The following HMGXB3 variants were observed in gnomAD, a reference collection of about 807,000 sequenced individuals.
HMGXB3 encodes the protein HMG domain-containing protein 3.
In HMGXB3, 45 loss-of-function variants were observed where a neutral mutation model predicts 121.5. The observed-to-expected ratio is 0.37, with a 90% CI of 0.29 to 0.47. The LOEUF (loss-of-function observed/expected upper bound fraction) is 0.47. Among genes scored for constraint, HMGXB3 ranks in the 20% least tolerant of loss-of-function variants. HMGXB3 has a pLI of 0.99. For synonymous variants in HMGXB3, 590 were observed against 624.1 expected, an observed-to-expected ratio of 0.95 and a Z score of 0.81; for missense variants, 1,376 against 1,602.2, an observed-to-expected ratio of 0.86 and a Z score of 2.41.
chr5:150,026,815 C>A lies in HMGXB3; in HGVS notation c.1570C>A (p.Pro524Thr). The A allele has an allele frequency of 6.5e-7, 1 of 1,545,888 alleles. No homozygotes were observed. Among genetic ancestry groups the A allele is most frequent in the Non-Finnish European group, 8.7e-7 (1 of 1,144,890 alleles). Residue 524 changes from proline (P) to threonine (T), a missense_variant, in exon 8 of 20, where the codon CCA becomes ACA. This residue lies in a region of HMGXB3 where 1,116 missense variants were observed against 1,369.0 expected (regional missense o/e 0.82). Transcript: ENST00000502717. Reference sequence around the variant, plus strand: ...ACCCATGAGAGCAATTTTGCCAGCCCCAGTTAACGTGGGGCGAGGCAGCAG... The same window carrying A: ...ACCCATGAGAGCAATTTTGCCAGCCACAGTTAACGTGGGGCGAGGCAGCAG... The part of the protein sequence containing the change: ...ARPMRAILPA[P>T]VNVGRGSSMG...
chr5:150,009,239 G>C (rs550643037), intron 3 of HMGXB3, among the ~76,000 whole-genome samples: 1 of 152,212 alleles, frequency 6.6e-6, no homozygotes, highest in South Asian at 2.1e-4. Context: ...TGGAGTCCCA[G>C]CTTTACTGTT....
intron 9 of HMGXB3, among the ~76,000 whole-genome samples, chr5:150,029,200 G>C (rs992080518): frequency 2.8e-4 from 42 of 151,988 alleles, no homozygotes; most frequent in African/African-American, 9.4e-4. Context: ...CCATATACTA[G>C]TTTGTGGCTT....
At chr5:150,011,752 C>T (rs1422876762) in intron 4 of HMGXB3, among the ~76,000 whole-genome samples, 3 of 151,352 alleles carry the variant, frequency 2.0e-5, no homozygotes, top group African/African-American at 2.4e-5. Flanking sequence ...TACAAGCATG[C>T]GCCACCACGC....
chr5:150,034,826 G>A (rs2113752611), intron 11 of HMGXB3, among the ~76,000 whole-genome samples: 1 of 152,214 alleles, frequency 6.6e-6, no homozygotes, highest in South Asian at 2.1e-4. Context: ...TTCATCTCTG[G>A]CGAGAGTCAC....
chr5:150,032,864 C>T (rs1028743016), intron 11 of HMGXB3, among the ~76,000 whole-genome samples: 3 of 152,154 alleles, frequency 2.0e-5, no homozygotes, highest in African/African-American at 7.2e-5. Flanking sequence ...TGATGTAGCA[C>T]AGGCCTTAAG....
chr5:150,037,514 A>AC lies in HMGXB3; in HGVS notation c.2400_2401insC (p.Asp801ArgfsTer8). Reference sequence around the variant, plus strand: ...ATTGTCTGGCCCTGCACAGCTTCATAGACATCTACACAGGTGGGTGCCAAC... The same window carrying AC: ...ATTGTCTGGCCCTGCACAGCTTCATACGACATCTACACAGGTGGGTGCCAAC... On this transcript the variant is annotated frameshift_variant, in exon 13 of 20. Transcript: ENST00000502717. LOFTEE classifies it high-confidence loss of function. 1 of 1,510,248 alleles carries AC rather than the reference A, an allele frequency of 6.6e-7. No individual in the cohort carries two copies. Among genetic ancestry groups the AC allele is most frequent in the East Asian group, 2.5e-5 (1 of 39,340 alleles). 93.6% of individuals were successfully genotyped at this position (1,510,248 alleles called of 1,614,324 possible).
At chr5:150,024,754 A>C in intron 7 of HMGXB3, 74 bp downstream of exon 7, 1 of 1,268,854 alleles carries the variant, frequency 7.9e-7, no homozygotes. Flanking sequence ...TCTGTACAGC[A>C]TGCCTGAGAG....
intron 1 of HMGXB3, among the ~76,000 whole-genome samples, chr5:150,002,744 TTC>T (rs1197783227): frequency 6.6e-6 from 1 of 152,248 alleles, no homozygotes; most frequent in Non-Finnish European, 1.5e-5. Context: ...TGTTAGTAGA[TTC>T]TCTGTTTTTT....
intron 11 of HMGXB3, among the ~76,000 whole-genome samples, chr5:150,033,215 A>C (rs6890492): frequency 2.0e-5 from 3 of 151,984 alleles, no homozygotes; most frequent in Admixed American, 6.6e-5. Flanking sequence ...TGAGTTTTTT[A>C]AAGTGAACAG....
chr5:150,015,658 C>T (rs1755943280), intron 5 of HMGXB3, among the ~76,000 whole-genome samples: 1 of 152,194 alleles, frequency 6.6e-6, no homozygotes, highest in Non-Finnish European at 1.5e-5. Context: ...TAGTGGCATT[C>T]CACAAATTCT....
intron 6 of HMGXB3, among the ~76,000 whole-genome samples, chr5:150,022,358 T>A (rs1230937605): frequency 6.6e-6 from 1 of 152,192 alleles, no homozygotes; most frequent in Non-Finnish European, 1.5e-5. Flanking sequence ...TGTGGCATAG[T>A]TCCCAATGAG....
At position 150,052,517 on chromosome 5, in the gene HMGXB3, G is replaced by T. The variant is rs1403797197; in HGVS notation, c.*325G>T. ...CGTGGGGCCTGCGGTGTGGGTCAGGGTGGAGGTCCTGGGTGGGCTAAGGCG... is the reference window on the plus strand; with the variant it reads ...CGTGGGGCCTGCGGTGTGGGTCAGGTTGGAGGTCCTGGGTGGGCTAAGGCG... On this transcript the variant is annotated 3_prime_UTR_variant, in exon 20 of 20. Coordinates refer to ENST00000502717, the MANE Select transcript of HMGXB3 (RefSeq NM_014983.3). The T allele has an allele frequency of 3.3e-6, 1 of 306,302 alleles. No individual in the cohort carries two copies. Among genetic ancestry groups the T allele is most frequent in the Non-Finnish European group, 6.2e-6 (1 of 162,220 alleles). 19.0% of individuals were successfully genotyped at this position (306,302 alleles called of 1,614,324 possible).
intron 3 of HMGXB3, among the ~76,000 whole-genome samples, chr5:150,009,877 C>T (rs550710168): frequency 6.6e-6 from 1 of 152,102 alleles, no homozygotes; most frequent in Non-Finnish European, 1.5e-5. Context: ...CATGCTGTTT[C>T]CTGTGTGACT....
rs1315276689 is a variant in HMGXB3, at chr5:150,049,886, C to T, written c.3202-366C>T. On this transcript the variant is annotated intron_variant, in intron 18 of 19. Transcript: ENST00000502717. ...GAGACCTTAGTTTCTTAGGTTTGACCTCGGGCCCAGGCATCTCCATTCTTA... is the reference window on the plus strand; with the variant it reads ...GAGACCTTAGTTTCTTAGGTTTGACTTCGGGCCCAGGCATCTCCATTCTTA... Among the ~76,000 whole-genome samples the T allele has an allele frequency of 5.3e-5, 8 of 152,188 alleles. No homozygotes were observed. In the East Asian group the frequency reaches 1.5e-3, roughly 29 times the overall value.
At position 150,040,733 on chromosome 5, in the gene HMGXB3, C is replaced by T; in HGVS notation, c.2414-15C>T. 2.6e-6 allele frequency: 4 copies of T among 1,548,602 alleles called. No homozygotes were observed. Among genetic ancestry groups the T allele is most frequent in the Non-Finnish European group, 3.5e-6 (4 of 1,146,018 alleles). The stretch of plus-strand genomic sequence containing the variant: ...TGATACATTAATTTCCTTGTTGCCT[C>T]TTCTTAACCTGCAGGTCTCTTTAAT... On this transcript the variant is annotated splice_polypyrimidine_tract_variant and intron_variant, in intron 13 of 19. Coordinates refer to ENST00000502717, the MANE Select transcript of HMGXB3 (RefSeq NM_014983.3).
At chr5:150,014,511 C>A (rs1359658568) in intron 5 of HMGXB3, among the ~76,000 whole-genome samples, 2 of 152,166 alleles carry the variant, frequency 1.3e-5, no homozygotes, top group African/African-American at 4.8e-5. Flanking sequence ...GTAGTTATTC[C>A]TTTTGAGGAC....
intron 5 of HMGXB3, among the ~76,000 whole-genome samples, chr5:150,014,561 A>T (rs1755919499): frequency 1.3e-5 from 2 of 152,200 alleles, no homozygotes. Context: ...AGCTACATCT[A>T]AAGCACGAAT....
At chr5:150,046,847 A>C (rs920239706) in intron 16 of HMGXB3, among the ~76,000 whole-genome samples, 2 of 151,586 alleles carry the variant, frequency 1.3e-5, no homozygotes, top group African/African-American at 4.9e-5. Flanking sequence ...AAAGATACTG[A>C]GGTCCACCTC....
In HMGXB3 at chr5:150,051,994, C is replaced by A. The variant is rs1756919051; in HGVS notation, c.3681C>A (p.His1227Gln). 1.9e-6 allele frequency: 3 copies of A among 1,552,048 alleles called. No homozygotes were observed. The highest frequency in any genetic ancestry group is 1.4e-5 in the African/African-American group (1 of 73,066). ...QRPIAFDNAT[H>Q]YYLYNRLMDF... ...CCATTGCCTTCGACAATGCCACTCACTATTACCTCTACAACCGCCTCATGG... is the reference window on the plus strand; with the variant it reads ...CCATTGCCTTCGACAATGCCACTCAATATTACCTCTACAACCGCCTCATGG... The change falls in exon 20 of 20, where the codon CAC (histidine) becomes CAA (glutamine). Residue 1227 changes from histidine (H) to glutamine (Q), a missense_variant. Transcript: ENST00000502717.
Sources: allele counts gnomAD v4.1 joint callset (sites outside exome capture counted in the v4.1 genomes callset), GRCh38; gene constraint gnomAD v4.1.1; regional missense constraint gnomAD v4.1.1; transcripts MANE v1.5; gene names NCBI Gene and HGNC (gene_info 2026-07-23, HGNC 2026-07-21).